Variants in COG6 observed in about 807,000 individuals in gnomAD.
COG6 encodes the protein component of oligomeric golgi complex 6, also known as conserved oligomeric Golgi complex subunit 6.
In COG6, 74 loss-of-function variants were observed where a neutral mutation model predicts 88.8. The ratio of observed to expected loss-of-function variants is 0.83; its 90% CI spans 0.69 to 1.01. The LOEUF (loss-of-function observed/expected upper bound fraction) is 1.01, where lower values mean the gene tolerates loss of function less well. Among genes scored for constraint, COG6 ranks in the 50% least tolerant of loss-of-function variants. The probability of loss-of-function intolerance (pLI) is 0.00; values close to 1 mark genes in which losing one functional copy is unlikely to be tolerated. For missense variants in COG6, 800 were observed against 797.9 expected, an observed-to-expected ratio of 1.00 and a Z score of -0.03; for synonymous variants, 286 against 278.7, an observed-to-expected ratio of 1.03 and a Z score of -0.26.
At chr13:39,781,768 C>T (rs1881638007) in intron 18 of COG6, among the ~76,000 whole-genome samples, 1 of 152,140 alleles carries the variant, frequency 6.6e-6, no homozygotes, top group African/African-American at 2.4e-5. Context: ...TCACCAGTCC[C>T]AAGTCCCTCC....
At chr13:39,682,073 G>T in intron 7 of COG6, 98 bp from the exon 8 acceptor site, 1 of 790,982 alleles carries the variant, frequency 1.3e-6, no homozygotes. Context: ...TTTTTTTTAT[G>T]GGGTGTTTGC....
rs1437210080 is a variant in COG6, at chr13:39,737,976, T to C, written c.1826+10428T>C. ...GCTACGTCCCACAATCACTCTTTTTTCTCCCTTCCACAAGCACATAAATTC... is the reference window on the plus strand; with the variant it reads ...GCTACGTCCCACAATCACTCTTTTTCCTCCCTTCCACAAGCACATAAATTC... On this transcript the variant is annotated intron_variant, in intron 18 of 18. Transcript: ENST00000455146. Among the ~76,000 whole-genome samples, 7 of 152,118 alleles carry C rather than the reference T, an allele frequency of 4.6e-5. 1 individual carries two copies. The highest frequency in any genetic ancestry group is 2.6e-4 in the Admixed American group (4 of 15,272).
At chr13:39,787,495 A>G (rs1000289161) in intron 18 of COG6, among the ~76,000 whole-genome samples, 4 of 152,184 alleles carry the variant, frequency 2.6e-5, no homozygotes, top group Non-Finnish European at 5.9e-5. Context: ...GCCTGGCTGC[A>G]TAGAGTTACT....
At chr13:39,703,988 C>G (rs1877736353) in intron 13 of COG6, among the ~76,000 whole-genome samples, 1 of 151,992 alleles carries the variant, frequency 6.6e-6, no homozygotes, top group Non-Finnish European at 1.5e-5. Flanking sequence ...CCTGCCTCAG[C>G]CTCCCAAAGT....
At chr13:39,740,913 G>T (rs1223161284) in intron 18 of COG6, among the ~76,000 whole-genome samples, 1 of 152,098 alleles carries the variant, frequency 6.6e-6, no homozygotes, top group African/African-American at 2.4e-5. Context: ...CTTAACTGCG[G>T]TGCTAAAATA....
At chr13:39,664,118 T>A (rs1875091200) in intron 3 of COG6, 1 of 154,552 alleles carries the variant, frequency 6.5e-6, no homozygotes, top group African/African-American at 2.4e-5. Context: ...GAACTGGAGG[T>A]GTCTAGGTCT....
At chr13:39,660,443 T>C (rs554636645) in intron 2 of COG6, among the ~76,000 whole-genome samples, 10 of 152,302 alleles carry the variant, frequency 6.6e-5, no homozygotes, top group African/African-American at 2.4e-4. Flanking sequence ...ATTGGATACA[T>C]GTCAAAAGGA....
At chr13:39,782,286 C>T (rs983604437) in intron 18 of COG6, among the ~76,000 whole-genome samples, 2 of 152,084 alleles carry the variant, frequency 1.3e-5, no homozygotes, top group Admixed American at 6.5e-5. Flanking sequence ...CTGAAACAAC[C>T]GAAAATCTGA....
chr13:39,742,922 A>T (rs1880129230), intron 18 of COG6, among the ~76,000 whole-genome samples: 1 of 152,212 alleles, frequency 6.6e-6, no homozygotes, highest in Non-Finnish European at 1.5e-5. Flanking sequence ...CCACAGTGCA[A>T]TCAAACTAGA....
intron 13 of COG6, among the ~76,000 whole-genome samples, chr13:39,715,058 G>A (rs977066731): frequency 2.6e-5 from 4 of 152,024 alleles, no homozygotes; most frequent in Non-Finnish European, 4.4e-5. Context: ...CTCAGAAGGG[G>A]GAGAGGATGA....
chr13:39,741,795 A>G (rs1047560735), intron 18 of COG6, among the ~76,000 whole-genome samples: 3 of 152,226 alleles, frequency 2.0e-5, no homozygotes, highest in Middle Eastern at 3.4e-3. Flanking sequence ...CCCAAGACAT[A>G]TAATTGTCAG....
At chr13:39,785,710 G>A (rs1009581802) in intron 18 of COG6, among the ~76,000 whole-genome samples, 1 of 152,114 alleles carries the variant, frequency 6.6e-6, no homozygotes, top group Non-Finnish European at 1.5e-5. Context: ...TAATATTTTT[G>A]ATAGGGCATT....
At chr13:39,788,267 T>A in intron 18 of COG6, 1 of 1,438,164 alleles carries the variant, frequency 7.0e-7, no homozygotes, top group Non-Finnish European at 9.6e-7. Context: ...TGCAGGAATG[T>A]GAGGTATTCA....
intron 18 of COG6, among the ~76,000 whole-genome samples, chr13:39,745,229 A>C (rs1880277120): frequency 6.6e-6 from 1 of 152,246 alleles, no homozygotes; most frequent in Non-Finnish European, 1.5e-5. Context: ...ACAAAAGCCA[A>C]AGTAGGAAAA....
chr13:39,721,999 A>T (rs1459391043), intron 15 of COG6, among the ~76,000 whole-genome samples: 1 of 152,086 alleles, frequency 6.6e-6, no homozygotes, highest in Non-Finnish European at 1.5e-5. Context: ...TGCTTAGTAA[A>T]GAGTTCTATT....
chr13:39,669,891 G>A (rs1208882355), intron 4 of COG6, among the ~76,000 whole-genome samples: 1 of 152,112 alleles, frequency 6.6e-6, no homozygotes, highest in Non-Finnish European at 1.5e-5. Flanking sequence ...TGTATTTTAG[G>A]AAAATTGCAA....
chr13:39,789,313 C>T (rs1881868259), exon 19 of COG6: 1 of 152,214 alleles, frequency 6.6e-6, no homozygotes, highest in Non-Finnish European at 1.5e-5. Flanking sequence ...ATAATCCAAT[C>T]CTTAGTTAAT....
chr13:39,664,159 AGAAGCTT>A (rs777616796), intron 3 of COG6: 9 of 154,828 alleles, frequency 5.8e-5, no homozygotes, highest in Non-Finnish European at 1.0e-4. Flanking sequence ...CCGCAGTAGC[AGAAGCTT>A]GACTCTTTAT....
In COG6 at chr13:39,717,179, A is replaced by G. The variant is rs1878570333; in HGVS notation, c.1285-2057A>G. Among the ~76,000 whole-genome samples the G allele has an allele frequency of 2.6e-5, 4 of 152,168 alleles. No homozygotes were observed. In the South Asian group the frequency reaches 8.3e-4, roughly 32 times the overall value. On this transcript the variant is annotated intron_variant, in intron 13 of 18. Coordinates refer to ENST00000455146, the MANE Select transcript of COG6 (RefSeq NM_020751.3). ...CTTCTGGCCTGCATGTTTTCTGGTA[A>G]GAAATCAGCTATTGATCTTGTCAAA... is the stretch of plus-strand genomic sequence containing the variant.
Sources: allele counts gnomAD v4.1 joint callset (sites outside exome capture counted in the v4.1 genomes callset), GRCh38; gene constraint gnomAD v4.1.1; transcripts MANE v1.5; gene names NCBI Gene and HGNC (gene_info 2026-07-23, HGNC 2026-07-21).